The following TMEFF1 variants were observed in gnomAD, a reference collection of about 807,000 sequenced individuals.
The protein encoded by TMEFF1 is transmembrane protein with EGF like and two follistatin like domains 1, also known as tomoregulin-1.
A neutral mutation model predicts 47.5 loss-of-function variants in TMEFF1; 20 were observed. That is an observed-to-expected ratio of 0.42 (90% CI 0.30 to 0.61). The LOEUF is 0.61. Among genes scored for constraint, TMEFF1 ranks in the 20% least tolerant of loss-of-function variants. The pLI, the probability that TMEFF1 is intolerant of heterozygous loss-of-function variation, is 0.19. For missense variants in TMEFF1, 411 were observed against 471.1 expected, an observed-to-expected ratio of 0.87 and a Z score of 1.18; for synonymous variants, 162 against 166.3, an observed-to-expected ratio of 0.97 and a Z score of 0.20.
At chr9:100,510,132 A>G (rs575196502) in intron 3 of TMEFF1, among the ~76,000 whole-genome samples, 1 of 152,298 alleles carries the variant, frequency 6.6e-6, no homozygotes, top group South Asian at 2.1e-4. Flanking sequence ...TTTAGGGTCA[A>G]CTACAAAGTC....
chr9:100,498,692 C>A, intron 1 of TMEFF1, 73 bp from the exon 2 acceptor site: 1 of 1,403,608 alleles, frequency 7.1e-7, no homozygotes, highest in Non-Finnish European at 9.9e-7. Context: ...CATACACACA[C>A]ACACACGCGC....
At chr9:100,541,380 T>C (rs1233757902) in intron 5 of TMEFF1, among the ~76,000 whole-genome samples, 2 of 147,992 alleles carry the variant, frequency 1.4e-5, no homozygotes, top group Non-Finnish European at 3.0e-5. Flanking sequence ...TCTTTCTTTT[T>C]TTTTTTTTTT....
intron 7 of TMEFF1, among the ~76,000 whole-genome samples, chr9:100,556,175 T>G (rs1348494999): frequency 6.6e-6 from 1 of 152,234 alleles, no homozygotes; most frequent in Non-Finnish European, 1.5e-5. Context: ...GTCCTTGTAC[T>G]TACTTGTTTG....
intron 3 of TMEFF1, among the ~76,000 whole-genome samples, chr9:100,510,418 G>A (rs967383353): frequency 9.9e-5 from 15 of 152,162 alleles, no homozygotes; most frequent in African/African-American, 3.4e-4. Flanking sequence ...ACAGTATGTG[G>A]CAGTGCACAT....
At chr9:100,541,461 C>T (rs1838630382) in intron 5 of TMEFF1, among the ~76,000 whole-genome samples, 1 of 148,952 alleles carries the variant, frequency 6.7e-6, no homozygotes, top group Admixed American at 6.8e-5. Flanking sequence ...ACAACTTCTG[C>T]CTCCCAAGTT....
intron 5 of TMEFF1, among the ~76,000 whole-genome samples, chr9:100,545,153 C>T (rs947298596): frequency 3.9e-5 from 6 of 152,180 alleles, no homozygotes; most frequent in Non-Finnish European, 5.9e-5. Context: ...CACTAGGCGA[C>T]GCCTCAGTAG....
chr9:100,474,987 C>G (rs1587807747), intron 1 of TMEFF1, among the ~76,000 whole-genome samples: 1 of 152,154 alleles, frequency 6.6e-6, no homozygotes, highest in African/African-American at 2.4e-5. Context: ...TGGAGCTGGC[C>G]TAGCAGATGC....
At chr9:100,555,683 T>C (rs1246576695) in intron 7 of TMEFF1, among the ~76,000 whole-genome samples, 1 of 152,232 alleles carries the variant, frequency 6.6e-6, no homozygotes, top group Non-Finnish European at 1.5e-5. Flanking sequence ...TTTTTAATAC[T>C]TTTGTTTCCT....
chr9:100,473,387 C>A lies in TMEFF1; in HGVS notation c.-158C>A. The A allele has an allele frequency of 2.1e-6, 1 of 466,186 alleles. No homozygotes were observed. The highest frequency in any genetic ancestry group is 3.2e-6 in the Non-Finnish European group (1 of 310,666). 28.9% of individuals were successfully genotyped at this position (466,186 alleles called of 1,614,324 possible). ...CCGAGCGCCGCGGGCCCGGGCCTGGCGGACGCTGCGGGTGGGGCGGGGATG... is the reference window on the plus strand; with the variant it reads ...CCGAGCGCCGCGGGCCCGGGCCTGGAGGACGCTGCGGGTGGGGCGGGGATG... On this transcript the variant is annotated 5_prime_UTR_variant, in exon 1 of 10. Transcript: ENST00000374879. This position sits in a 1 kb window ranked among gnomAD's most constrained non-coding sequence, Gnocchi z 5.4.
chr9:100,542,132 T>C (rs1278352471), intron 5 of TMEFF1, among the ~76,000 whole-genome samples: 1 of 152,084 alleles, frequency 6.6e-6, no homozygotes, highest in Non-Finnish European at 1.5e-5. Flanking sequence ...TTTTTTTTTC[T>C]CTAGTAGTTT....
At chr9:100,529,948 A>G (rs997837659) in intron 5 of TMEFF1, among the ~76,000 whole-genome samples, 6 of 152,230 alleles carry the variant, frequency 3.9e-5, no homozygotes, top group South Asian at 2.1e-4. Flanking sequence ...CTCACTCAAA[A>G]CCGATCAACT....
chr9:100,522,425 ATCT>A (rs1266218917), intron 5 of TMEFF1, among the ~76,000 whole-genome samples: 1 of 121,452 alleles, frequency 8.2e-6, no homozygotes, highest in African/African-American at 2.9e-5. Flanking sequence ...ATCCAGAAAT[ATCT>A]TCTTTTTTTT....
rs985038949 is a variant in TMEFF1 at position 100,528,555 on chromosome 9, G to A, written c.560+11784G>A. On this transcript the variant is annotated intron_variant, in intron 5 of 9. Coordinates refer to ENST00000374879, the MANE Select transcript of TMEFF1 (RefSeq NM_003692.5). Reference sequence around the variant, plus strand: ...AAGTTTAGAGAAAAAAGAATAAAAAGAAATGAGCAAAGCCTGCAAGAAATA... The same window carrying A: ...AAGTTTAGAGAAAAAAGAATAAAAAAAAATGAGCAAAGCCTGCAAGAAATA... Among the ~76,000 whole-genome samples, 106 of 143,290 alleles carry A rather than the reference G, an allele frequency of 7.4e-4. 2 individuals are homozygous for A. In the Middle Eastern group the frequency reaches 0.018, roughly 24 times the overall value. 94.0% of individuals were successfully genotyped at this position (143,290 alleles called of 152,430 possible). A position where few individuals can be genotyped will look rare whatever the true frequency, so the allele number is the denominator to read the frequency against.
At chr9:100,572,202 G>A (rs904697050) in intron 8 of TMEFF1, among the ~76,000 whole-genome samples, 2 of 151,922 alleles carry the variant, frequency 1.3e-5, no homozygotes, top group Admixed American at 1.3e-4. Context: ...AATCTTTGTG[G>A]CTTTAGATTA....
At chr9:100,524,420 A>T (rs1838219194) in intron 5 of TMEFF1, among the ~76,000 whole-genome samples, 1 of 152,216 alleles carries the variant, frequency 6.6e-6, no homozygotes, top group South Asian at 2.1e-4. Flanking sequence ...CACTTTGAAC[A>T]GCCTCTGTGG....
At chr9:100,496,023 T>A (rs544000466) in intron 1 of TMEFF1, among the ~76,000 whole-genome samples, 1 of 152,368 alleles carries the variant, frequency 6.6e-6, no homozygotes, top group South Asian at 2.1e-4. Flanking sequence ...ATTCAGGGAC[T>A]GTTGATGTGT....
chr9:100,518,504 G>C, intron 5 of TMEFF1: 4 of 985,364 alleles, frequency 4.1e-6, no homozygotes, highest in Non-Finnish European at 4.8e-6. Flanking sequence ...TTACCAGCAG[G>C]CTAAGGAGCA....
chr9:100,533,542 G>A (rs1006932667), intron 5 of TMEFF1, among the ~76,000 whole-genome samples: 2 of 151,938 alleles, frequency 1.3e-5, no homozygotes, highest in African/African-American at 4.8e-5. Flanking sequence ...AAAAGCTTGC[G>A]TTATCAATTT....
intron 5 of TMEFF1, among the ~76,000 whole-genome samples, chr9:100,519,865 T>C (rs906952421): frequency 1.3e-5 from 2 of 152,070 alleles, no homozygotes; most frequent in African/African-American, 2.4e-5. Context: ...CTACACTTCA[T>C]GTAAAAAATA....
Sources: gnomAD v4.1 joint callset for allele counts (sites outside exome capture counted in the v4.1 genomes callset) on GRCh38, gnomAD v4.1.1 for gene constraint, Gnocchi (gnomAD v3.1) non-coding constraint, MANE v1.5 for transcripts, NCBI Gene and HGNC (gene_info 2026-07-23, HGNC 2026-07-21) for gene names.